ZNF827: variants seen among roughly 807,000 people sequenced by gnomAD.
ZNF827 encodes the protein zinc finger protein 827.
Under a neutral mutation model 102.4 loss-of-function variants are expected in ZNF827, and 13 were observed. The observed-to-expected ratio is 0.13, with a 90% CI of 0.08 to 0.20. The LOEUF is 0.20. Ranked by LOEUF, ZNF827 falls within the 10% of genes least tolerant of loss-of-function variation. ZNF827 has a pLI of 1.00. For missense variants in ZNF827, 1,103 were observed against 1,344.4 expected, an observed-to-expected ratio of 0.82 and a Z score of 2.81; for synonymous variants, 523 against 536.2, an observed-to-expected ratio of 0.98 and a Z score of 0.34.
chr4:145,791,085 T>G (rs1229588533), intron 8 of ZNF827, among the ~76,000 whole-genome samples: 2 of 152,230 alleles, frequency 1.3e-5, no homozygotes, highest in Non-Finnish European at 2.9e-5. Context: ...AAATACTGTG[T>G]GTCTTAGTTC....
intron 7 of ZNF827, among the ~76,000 whole-genome samples, chr4:145,829,639 G>C (rs1222476669): frequency 6.6e-6 from 1 of 152,182 alleles, no homozygotes; most frequent in Admixed American, 6.5e-5. Context: ...TGCAAAAAGA[G>C]AGCTGGAAGT....
chr4:145,886,373 C>T (rs921031312), intron 3 of ZNF827, among the ~76,000 whole-genome samples: 1 of 152,190 alleles, frequency 6.6e-6, no homozygotes, highest in Non-Finnish European at 1.5e-5. Flanking sequence ...GGGCCATGCT[C>T]ACAACTGAGG....
At chr4:145,848,689 G>A (rs180894217) in intron 6 of ZNF827, among the ~76,000 whole-genome samples, 199 of 152,320 alleles carry the variant, frequency 1.3e-3, no homozygotes, top group African/African-American at 4.5e-3. Context: ...AGAGATGACA[G>A]AAGGAACAAC....
At chr4:145,893,661 A>C (rs917292605) in intron 2 of ZNF827, among the ~76,000 whole-genome samples, 3 of 152,232 alleles carry the variant, frequency 2.0e-5, no homozygotes, top group African/African-American at 7.2e-5. Flanking sequence ...AAAACCACTA[A>C]TTAATCTTAA....
At chr4:145,829,194 C>G (rs773375570) in intron 7 of ZNF827, among the ~76,000 whole-genome samples, 1 of 152,010 alleles carries the variant, frequency 6.6e-6, no homozygotes, top group African/African-American at 2.4e-5. Context: ...CAAGACTAAA[C>G]TTGGGAATGA....
chr4:145,805,737 G>A (rs929431742), intron 8 of ZNF827, among the ~76,000 whole-genome samples: 1 of 152,078 alleles, frequency 6.6e-6, no homozygotes, highest in African/African-American at 2.4e-5. Flanking sequence ...ATGACCTGGG[G>A]GCCGGCTCCC....
At chr4:145,892,956 C>G (rs1239488899) in intron 2 of ZNF827, among the ~76,000 whole-genome samples, 5 of 152,252 alleles carry the variant, frequency 3.3e-5, no homozygotes, top group Non-Finnish European at 5.9e-5. Context: ...GACAAATTTT[C>G]GGATCCCTAC....
intron 8 of ZNF827, among the ~76,000 whole-genome samples, chr4:145,797,679 G>A (rs1236325182): frequency 1.3e-5 from 2 of 152,142 alleles, no homozygotes; most frequent in Non-Finnish European, 2.9e-5. Context: ...TTTCTTGTTG[G>A]AGGAATTAAC....
chr4:145,870,509 C>G, intron 4 of ZNF827, 31 bp from the exon 5 acceptor site: 1 of 1,589,644 alleles, frequency 6.3e-7, no homozygotes, highest in Non-Finnish European at 8.6e-7. Context: ...ATTATATATA[C>G]ATAAAAGGCC....
chr4:145,923,602 CA>C (rs939764214), intron 1 of ZNF827, among the ~76,000 whole-genome samples: 2 of 150,330 alleles, frequency 1.3e-5, no homozygotes, highest in Non-Finnish European at 3.0e-5. Context: ...GACTCCATCT[CA>C]AAAAAAAAGA....
At position 145,765,452 on chromosome 4, in the gene ZNF827, A is replaced by G; in HGVS notation, c.3052+95T>C. ...CATACTGCATCCTGGGCCTATTATCAGTTTTTGACATCGCTCCTGTGCAGG... is the reference window on the plus strand; with the variant it reads ...CATACTGCATCCTGGGCCTATTATCGGTTTTTGACATCGCTCCTGTGCAGG... On this transcript the variant is annotated intron_variant, in intron 12 of 14. Coordinates refer to ENST00000508784, the MANE Select transcript of ZNF827 (RefSeq NM_001306215.2). This position sits in a 1 kb window ranked among gnomAD's most constrained non-coding sequence, Gnocchi z 4.7. 7.1e-7 allele frequency: 1 copy of G among 1,411,626 alleles called. No homozygotes were observed. Among genetic ancestry groups the G allele is most frequent in the African/African-American group, 1.4e-5 (1 of 69,722 alleles). The allele number at this position is 1,411,626 out of a possible 1,614,324, so 87.4% of individuals were successfully genotyped here. A position where few individuals can be genotyped will look rare whatever the true frequency, so the allele number is the denominator to read the frequency against.
intron 1 of ZNF827, among the ~76,000 whole-genome samples, chr4:145,935,166 C>T (rs964093094): frequency 6.6e-6 from 1 of 152,084 alleles, no homozygotes; most frequent in African/African-American, 2.4e-5. Flanking sequence ...TATTTAATCC[C>T]CAGACTTCCT....
At chr4:145,895,437 G>A (rs532772310) in intron 2 of ZNF827, among the ~76,000 whole-genome samples, 1 of 152,218 alleles carries the variant, frequency 6.6e-6, no homozygotes, top group Admixed American at 6.5e-5. Flanking sequence ...AAATACACAA[G>A]TTGGGTACAA....
In ZNF827 at chr4:145,765,704, G is replaced by A. The variant is rs772809074; in HGVS notation, c.2895C>T (p.Ser965=). The A allele has an allele frequency of 6.2e-7, 1 of 1,614,116 alleles. No homozygotes were observed. The highest frequency in any genetic ancestry group is 1.7e-5 in the Admixed American group (1 of 60,016). The change falls in exon 12 of 15, where the codon AGC becomes AGT. Residue 965 remains serine, a synonymous_variant. Transcript: ENST00000508784. This position sits in a 1 kb window ranked among gnomAD's most constrained non-coding sequence, Gnocchi z 4.7. ...EDRKTPSESN[S]PSSSSLSALS... ...GAGCTGAGAGGGAGGATGAAGAGGG[G>A]CTATTTGATTCGCTGGGGGTCTTCC...
chr4:145,896,911 G>GA (rs1404406815), intron 2 of ZNF827, among the ~76,000 whole-genome samples: 2 of 152,110 alleles, frequency 1.3e-5, no homozygotes, highest in African/African-American at 4.8e-5. Context: ...GTTTGATAGT[G>GA]AATTTTAAGA....
At chr4:145,904,486 A>G (rs545603380) in intron 1 of ZNF827, among the ~76,000 whole-genome samples, 21 of 152,334 alleles carry the variant, frequency 1.4e-4, no homozygotes, top group African/African-American at 5.1e-4. Flanking sequence ...GTGGAGCTTC[A>G]CAGAAGTGGT....
intron 8 of ZNF827, among the ~76,000 whole-genome samples, chr4:145,814,606 TAACAAACAAACA>T (rs59852029): frequency 6.8e-6 from 1 of 147,882 alleles, no homozygotes; most frequent in Non-Finnish European, 1.5e-5. Flanking sequence ...TCTCACCTCC[TAACAAACAAACA>T]AACAAACAAA....
At chr4:145,781,228 G>GAAAAAAAAA (rs60872964) in intron 8 of ZNF827, among the ~76,000 whole-genome samples, 1 of 99,680 alleles carries the variant, frequency 1.0e-5, no homozygotes, top group African/African-American at 3.7e-5. Context: ...GAAAAAAAAA[G>GAAAAAAAAA]AAAAAAAAAA....
At chr4:145,798,696 T>G (rs959071138) in intron 8 of ZNF827, among the ~76,000 whole-genome samples, 2 of 152,176 alleles carry the variant, frequency 1.3e-5, no homozygotes, top group Non-Finnish European at 2.9e-5. Flanking sequence ...ATAATAATAA[T>G]TTTTAAAAAG....
Sources: allele counts gnomAD v4.1 joint callset (sites outside exome capture counted in the v4.1 genomes callset), GRCh38; gene constraint gnomAD v4.1.1; non-coding constraint Gnocchi (gnomAD v3.1); transcripts MANE v1.5; gene names NCBI Gene and HGNC (gene_info 2026-07-23, HGNC 2026-07-21).